The following EXTL3 variants were observed in gnomAD, a reference collection of about 807,000 sequenced individuals.
EXTL3 encodes exostosin like glycosyltransferase 3.
EXTL3 carries 27 observed loss-of-function variants against 69.3 expected under a neutral mutation model. The observed-to-expected ratio is 0.39, with a 90% CI of 0.29 to 0.54. The LOEUF (loss-of-function observed/expected upper bound fraction) is 0.54. Among genes scored for constraint, EXTL3 ranks in the 20% least tolerant of loss-of-function variants. The pLI, the probability that EXTL3 is intolerant of heterozygous loss-of-function variation, is 0.69. For synonymous variants in EXTL3, 511 were observed against 499.4 expected (o/e 1.02, Z -0.31); for missense variants, 1,003 against 1,231.8 (o/e 0.81, Z 2.78).
chr8:28,663,462 T>C (rs1302333495), intron 1 of EXTL3, among the ~76,000 whole-genome samples: 2 of 152,120 alleles, frequency 1.3e-5, no homozygotes, highest in African/African-American at 4.8e-5. Flanking sequence ...TATTCTTTTA[T>C]TTTTATTTGT....
intron 1 of EXTL3, among the ~76,000 whole-genome samples, chr8:28,677,592 CT>C (rs1276716784): frequency 2.0e-5 from 3 of 152,224 alleles, no homozygotes; most frequent in East Asian, 1.9e-4. Flanking sequence ...GACAGCTCCC[CT>C]GGGACATCAC....
rs1802046394 is a variant in EXTL3, at chr8:28,753,198, A to G, written c.*2332A>G. The G allele has an allele frequency of 6.6e-6, 1 of 152,272 alleles. No individual in the cohort carries two copies. Among genetic ancestry groups the G allele is most frequent in the Non-Finnish European group, 1.5e-5 (1 of 68,076 alleles). The allele number at this position is 152,272 out of a possible 1,614,324, so 9.4% of individuals were successfully genotyped here. On this transcript the variant is annotated 3_prime_UTR_variant, in exon 7 of 7. Coordinates refer to ENST00000220562, the MANE Select transcript of EXTL3 (RefSeq NM_001440.4). ...CTCAGCGAGAGGCAGCAAGGTGGCC[A>G]CAGTGTCACTGGTCAGGTGCTTCTC...
At chr8:28,740,814 C>T (rs1274108316) in intron 5 of EXTL3, 1 of 151,988 alleles carries the variant, frequency 6.6e-6, no homozygotes, top group African/African-American at 2.4e-5. Context: ...AACGATGAAA[C>T]AAAACTTTAA....
chr8:28,609,351 G>A (rs768645402), intron 2 of EXTL3, among the ~76,000 whole-genome samples: 30 of 151,898 alleles, frequency 2.0e-4, no homozygotes, highest in Non-Finnish European at 3.7e-4. Context: ...TGAGGGTTTC[G>A]CTGGAGGGGA....
intron 1 of EXTL3, among the ~76,000 whole-genome samples, chr8:28,638,306 C>T (rs1045607542): frequency 1.3e-5 from 2 of 152,118 alleles, no homozygotes; most frequent in Non-Finnish European, 2.9e-5. Flanking sequence ...ACAATTAACT[C>T]CATAAACTCA....
intron 1 of EXTL3, among the ~76,000 whole-genome samples, chr8:28,643,973 C>T (rs982000780): frequency 1.3e-5 from 2 of 152,126 alleles, no homozygotes; most frequent in Admixed American, 1.3e-4. Context: ...CTCTGTTGCC[C>T]AGGCTGGTCT....
intron 6 of EXTL3, among the ~76,000 whole-genome samples, chr8:28,747,948 C>T (rs1270532098): frequency 1.3e-5 from 2 of 152,042 alleles, no homozygotes; most frequent in African/African-American, 4.8e-5. Context: ...CCAGGCTGGC[C>T]TCAAACTGAG....
intron 1 of EXTL3, among the ~76,000 whole-genome samples, chr8:28,640,378 C>A (rs974172067): frequency 9.9e-5 from 15 of 152,108 alleles, no homozygotes; most frequent in Admixed American, 7.9e-4. Flanking sequence ...CCTTAACAAA[C>A]GGTAAAGTTT....
chr8:28,727,674 T>G (rs1004210830), intron 3 of EXTL3, among the ~76,000 whole-genome samples: 3 of 152,162 alleles, frequency 2.0e-5, no homozygotes, highest in Non-Finnish European at 4.4e-5. Flanking sequence ...CATTCACACG[T>G]CTAGTAAGAG....
At chr8:28,610,865 C>T (rs931577582) in intron 2 of EXTL3, among the ~76,000 whole-genome samples, 1 of 152,070 alleles carries the variant, frequency 6.6e-6, no homozygotes, top group African/African-American at 2.4e-5. Flanking sequence ...ACCTCAGCCT[C>T]CCAAGTAGCT....
chr8:28,641,899 G>A (rs556433152), intron 1 of EXTL3, among the ~76,000 whole-genome samples: 198 of 152,140 alleles, frequency 1.3e-3, no homozygotes, highest in African/African-American at 4.6e-3. Context: ...GCAGTGGAGC[G>A]ATCTTGGCTC....
chr8:28,699,540 G>C (rs922872490), upstream of EXTL3: 1 of 152,356 alleles, frequency 6.6e-6, no homozygotes, highest in African/African-American at 2.4e-5. Flanking sequence ...ATGGAGACTT[G>C]CTCTATTGCC....
chr8:28,677,813 A>G (rs1585246206), intron 1 of EXTL3, among the ~76,000 whole-genome samples: 1 of 152,254 alleles, frequency 6.6e-6, no homozygotes, highest in Non-Finnish European at 1.5e-5. Flanking sequence ...AGTTCAAGAC[A>G]ACAAAATTTA....
intron 1 of EXTL3, among the ~76,000 whole-genome samples, chr8:28,628,302 C>T (rs915009466): frequency 6.6e-6 from 1 of 151,988 alleles, no homozygotes; most frequent in Non-Finnish European, 1.5e-5. Context: ...GCAGAGGTTG[C>T]AGTGAGCTGA....
At chr8:28,740,633 A>G (rs1472612129) in intron 5 of EXTL3, 2 of 152,182 alleles carry the variant, frequency 1.3e-5, no homozygotes, top group African/African-American at 4.8e-5. Context: ...CCACGAAAGC[A>G]GTTAGATTGG....
At chr8:28,628,921 G>A (rs1023384244) in intron 1 of EXTL3, among the ~76,000 whole-genome samples, 2 of 152,186 alleles carry the variant, frequency 1.3e-5, no homozygotes, top group Non-Finnish European at 2.9e-5. Flanking sequence ...ATGCAACCAG[G>A]AAGATTAAAA....
intron 1 of EXTL3, among the ~76,000 whole-genome samples, chr8:28,681,259 A>C (rs1040853907): frequency 6.6e-6 from 1 of 151,954 alleles, no homozygotes; most frequent in Non-Finnish European, 1.5e-5. Flanking sequence ...TCACGCCTGT[A>C]ATCCCAGCAC....
At chr8:28,639,014 C>T (rs1283973140) in intron 1 of EXTL3, among the ~76,000 whole-genome samples, 1 of 150,948 alleles carries the variant, frequency 6.6e-6, no homozygotes, top group Middle Eastern at 3.2e-3. Flanking sequence ...CTTGGCTCAC[C>T]ACAACCTCCA....
At chr8:28,714,530 G>A (rs1418184238) in intron 2 of EXTL3, among the ~76,000 whole-genome samples, 1 of 152,056 alleles carries the variant, frequency 6.6e-6, no homozygotes, top group Non-Finnish European at 1.5e-5. Context: ...GTTCCATGAG[G>A]TCAAGGATTA....
Sources: gnomAD v4.1 joint callset for allele counts (sites outside exome capture counted in the v4.1 genomes callset) on GRCh38, gnomAD v4.1.1 for gene constraint, MANE v1.5 for transcripts, NCBI Gene and HGNC (gene_info 2026-07-23, HGNC 2026-07-21) for gene names.